Variants in FDFT1 observed in about 807,000 individuals in gnomAD.
The protein encoded by FDFT1 is farnesyl-diphosphate farnesyltransferase 1, also known as squalene synthase.
Under a neutral mutation model 46.8 loss-of-function variants are expected in FDFT1, and 68 were observed. That is an observed-to-expected ratio of 1.45 (90% CI 1.19 to 1.78). FDFT1 has a LOEUF of 1.78. Among genes scored for constraint, FDFT1 ranks in the 40% most tolerant of loss-of-function variants. FDFT1 has a pLI of 0.00. For missense variants in FDFT1, 928 were observed against 524.4 expected, an observed-to-expected ratio of 1.77 and a Z score of -7.52; for synonymous variants, 351 against 185.1, an observed-to-expected ratio of 1.90 and a Z score of -7.28.
At chr8:11,798,433 T>A (rs534575549), upstream of FDFT1, among the ~76,000 whole-genome samples, 1 of 152,192 alleles carries the variant, frequency 6.6e-6, no homozygotes, top group Admixed American at 6.5e-5. Context: ...CAACATGGTT[T>A]GGGAAAGAAG....
At chr8:11,806,880 G>T (rs924883642) in intron 1 of FDFT1, among the ~76,000 whole-genome samples, 1 of 152,104 alleles carries the variant, frequency 6.6e-6, no homozygotes, top group African/African-American at 2.4e-5. Context: ...TGTGCCAGAC[G>T]CTGAAGTTTA....
At chr8:11,821,131 C>G (rs1293934590) in intron 3 of FDFT1, among the ~76,000 whole-genome samples, 1 of 152,162 alleles carries the variant, frequency 6.6e-6, no homozygotes, top group Non-Finnish European at 1.5e-5. Flanking sequence ...TGAGGTTTCT[C>G]TAAACAAGCT....
chr8:11,822,278 G>T (rs533706623), intron 4 of FDFT1, among the ~76,000 whole-genome samples: 2 of 152,318 alleles, frequency 1.3e-5, no homozygotes, highest in South Asian at 2.1e-4. Flanking sequence ...AAGCCAGTCA[G>T]ATTTAGCAGG....
At chr8:11,806,246 A>G (rs1445141457) in intron 1 of FDFT1, among the ~76,000 whole-genome samples, 1 of 152,080 alleles carries the variant, frequency 6.6e-6, no homozygotes, top group Admixed American at 6.6e-5. Flanking sequence ...AGTGTGCTGA[A>G]TCTCAGACTG....
rs754999995 is a variant in FDFT1 at position 11,838,633 on chromosome 8, G to T, written c.*24G>T. 6.4e-7 allele frequency: 1 copy of T among 1,550,568 alleles called. No individual in the cohort carries two copies. Among genetic ancestry groups the T allele is most frequent in the Non-Finnish European group, 8.9e-7 (1 of 1,122,074 alleles). ...GATCCCAAATTTGTCCATAGCTGAA[G>T]TCCACCATAAAGTGGATTTACTTTT... is the stretch of plus-strand genomic sequence containing the variant. On this transcript the variant is annotated 3_prime_UTR_variant, in exon 8 of 8. Transcript: ENST00000220584.
intron 2 of FDFT1, 104 bp from the exon 3 acceptor site, chr8:11,809,563 T>A: frequency 7.4e-7 from 1 of 1,342,328 alleles, no homozygotes; most frequent in Non-Finnish European, 9.9e-7. Context: ...TCTTTAGAGT[T>A]AAGGGTGAGA....
upstream of FDFT1, among the ~76,000 whole-genome samples, chr8:11,799,057 G>C (rs1272244677): frequency 6.6e-6 from 1 of 152,166 alleles, no homozygotes; most frequent in African/African-American, 2.4e-5. Flanking sequence ...TATGATGGCG[G>C]ACCTGACACA....
intron 1 of FDFT1, among the ~76,000 whole-genome samples, chr8:11,796,781 C>T (rs577283565): frequency 1.8e-4 from 28 of 152,284 alleles, no homozygotes; most frequent in Non-Finnish European, 3.7e-4. Flanking sequence ...ACAGGCAAGC[C>T]CCAAATTGGG....
chr8:11,808,577 G>C (rs1175648379), intron 1 of FDFT1: 16 of 1,385,976 alleles, frequency 1.2e-5, no homozygotes, highest in East Asian at 2.8e-5. Context: ...CCTTGGTGCT[G>C]AGTCCCGCCG....
chr8:11,831,419 G>C (rs1563339176), intron 6 of FDFT1, 99 bp from the exon 7 acceptor site: 1 of 989,242 alleles, frequency 1.0e-6, no homozygotes, highest in Non-Finnish European at 1.6e-6. Context: ...TTAGCAGTTA[G>C]CAATTGCCCA....
intron 1 of FDFT1, chr8:11,808,306 C>T (rs1243503599): frequency 8.1e-7 from 1 of 1,227,148 alleles, no homozygotes; most frequent in Non-Finnish European, 1.0e-6. Context: ...CCTTAGCGGC[C>T]AGTGGGTTCT....
intron 4 of FDFT1, 35 bp downstream of exon 4, chr8:11,821,913 A>G (rs753409915): frequency 9.4e-6 from 15 of 1,604,256 alleles, no homozygotes; most frequent in African/African-American, 8.0e-5. Flanking sequence ...TGTGTGATGT[A>G]TTAGACAGAG....
At chr8:11,797,026 T>C (rs1029536455) in intron 1 of FDFT1, among the ~76,000 whole-genome samples, 1 of 152,224 alleles carries the variant, frequency 6.6e-6, no homozygotes, top group Admixed American at 6.5e-5. Context: ...TGAAGACATC[T>C]GTAGGAAAAG....
intron 3 of FDFT1, among the ~76,000 whole-genome samples, chr8:11,812,994 G>T (rs1055136125): frequency 2.6e-5 from 4 of 152,078 alleles, no homozygotes; most frequent in African/African-American, 9.7e-5. Flanking sequence ...ATACCAAGAT[G>T]GCATAGCTAC....
chr8:11,819,320 C>G (rs897793978), intron 3 of FDFT1, among the ~76,000 whole-genome samples: 4 of 152,104 alleles, frequency 2.6e-5, no homozygotes, highest in African/African-American at 9.7e-5. Flanking sequence ...CTGACAATTA[C>G]GTATCTTGGG....
intron 3 of FDFT1, among the ~76,000 whole-genome samples, chr8:11,814,263 T>G (rs903944717): frequency 9.9e-5 from 15 of 152,258 alleles, no homozygotes; most frequent in African/African-American, 3.1e-4. Context: ...AGAAAAACTT[T>G]TTGGAAAGTT....
chr8:11,803,071 C>G, intron 1 of FDFT1, 140 bp downstream of exon 1: 32 of 1,449,432 alleles, frequency 2.2e-5, no homozygotes, highest in South Asian at 7.2e-5. Flanking sequence ...TCCCCCTTTC[C>G]TCGAGCCTTC....
chr8:11,798,618 A>G (rs935183766), upstream of FDFT1, among the ~76,000 whole-genome samples: 3 of 152,250 alleles, frequency 2.0e-5, no homozygotes, highest in African/African-American at 2.4e-5. Flanking sequence ...TGTTAACGCT[A>G]TCCACAGGAG....
At chr8:11,834,731 T>C (rs189226994) in intron 7 of FDFT1, among the ~76,000 whole-genome samples, 17 of 152,350 alleles carry the variant, frequency 1.1e-4, no homozygotes, top group Admixed American at 1.1e-3. Context: ...TGCTGAGACG[T>C]GGAAGTACCA....
Sources: gnomAD v4.1 joint callset for allele counts (sites outside exome capture counted in the v4.1 genomes callset) on GRCh38, gnomAD v4.1.1 for gene constraint, MANE v1.5 for transcripts, NCBI Gene and HGNC (gene_info 2026-07-23, HGNC 2026-07-21) for gene names.